ITPRID1: variants seen among roughly 807,000 people sequenced by gnomAD.
ITPRID1 encodes ITPR interacting domain containing 1.
In ITPRID1, 96 loss-of-function variants were observed where a neutral mutation model predicts 95.4. That is an observed-to-expected ratio of 1.01 (90% CI 0.85 to 1.19). ITPRID1 has a LOEUF of 1.19. ITPRID1 is among the 50% of genes most tolerant of loss of function. The pLI is 0.00. For synonymous variants in ITPRID1, 510 were observed against 453.6 expected, an observed-to-expected ratio of 1.12 and a Z score of -1.58; for missense variants, 1,339 against 1,252.9, an observed-to-expected ratio of 1.07 and a Z score of -1.04.
chr7:31,635,166 C>T (rs1789363302), intron 10 of ITPRID1, among the ~76,000 whole-genome samples: 1 of 152,174 alleles, frequency 6.6e-6, no homozygotes, highest in Admixed American at 6.5e-5. Context: ...CCATTCTGAG[C>T]TAGGTGATTT....
intron 12 of ITPRID1, among the ~76,000 whole-genome samples, chr7:31,644,754 T>C (rs16875624): frequency 0.034 from 5,226 of 152,220 alleles, 318 homozygotes; most frequent in African/African-American, 0.12. Flanking sequence ...GGGCCAGCCA[T>C]TGATTAAAAA....
chr7:31,531,272 T>C (rs78925209), intron 1 of ITPRID1, among the ~76,000 whole-genome samples: 1,585 of 152,126 alleles, frequency 0.01, 16 homozygotes, highest in Non-Finnish European at 0.018. Context: ...AAGGAAATAA[T>C]ATAGAGAAAA....
intron 10 of ITPRID1, among the ~76,000 whole-genome samples, chr7:31,624,551 G>T (rs1272215181): frequency 7.6e-6 from 1 of 131,500 alleles, no homozygotes; most frequent in Non-Finnish European, 1.6e-5. Flanking sequence ...AATGGTGCTG[G>T]GAAAACTGGC....
chr7:31,646,107 G>A (rs571944797), intron 12 of ITPRID1, among the ~76,000 whole-genome samples: 19 of 152,186 alleles, frequency 1.2e-4, no homozygotes, highest in African/African-American at 4.1e-4. Context: ...TCTAATTTAC[G>A]TTTAAGACAA....
intron 10 of ITPRID1, among the ~76,000 whole-genome samples, chr7:31,587,147 G>A (rs1305340995): frequency 6.6e-6 from 1 of 152,120 alleles, no homozygotes; most frequent in Non-Finnish European, 1.5e-5. Flanking sequence ...AGGGCAATTA[G>A]GCAGGAGAAG....
chr7:31,651,032 G>A (rs1262754552), intron 12 of ITPRID1, 110 bp from the exon 13 acceptor site: 2 of 1,211,450 alleles, frequency 1.7e-6, no homozygotes, highest in Non-Finnish European at 2.3e-6. Flanking sequence ...TAGCAGTAGG[G>A]CCTGTTTGCG....
Position 31,574,491 on chromosome 7 carries a change from T to A in ITPRID1, c.396-49T>A, listed in dbSNP as rs1324382068. 6 of 1,545,822 alleles carry A rather than the reference T, an allele frequency of 3.9e-6. No individual in the cohort carries two copies. The African/African-American group carries it at 8.2e-5, about 21-fold the overall frequency. ...GGATGAGGTGACCAGAAAAAAATGG[T>A]GTTGGGTTAACTGTTTCTGGATAAA... is the stretch of plus-strand genomic sequence containing the variant. On this transcript the variant is annotated intron_variant, in intron 7 of 14. Coordinates refer to ENST00000615280, the MANE Select transcript of ITPRID1 (RefSeq NM_001257967.3).
intron 5 of ITPRID1, 116 bp from the exon 6 acceptor site, chr7:31,569,642 C>A: frequency 2.6e-6 from 2 of 770,978 alleles, no homozygotes; most frequent in East Asian, 2.7e-5. Context: ...GTATTTCATG[C>A]CTATATAACC....
intron 9 of ITPRID1, among the ~76,000 whole-genome samples, chr7:31,581,164 A>G (rs1049147323): frequency 1.3e-5 from 2 of 152,192 alleles, no homozygotes; most frequent in Non-Finnish European, 2.9e-5. Flanking sequence ...ACAAGAGCCA[A>G]TGTACTTAAA....
chr7:31,643,193 A>G lies in ITPRID1; in HGVS notation c.1823A>G (p.Lys608Arg), dbSNP rs1562650568. 5 of 1,613,972 alleles carry G rather than the reference A, an allele frequency of 3.1e-6. No homozygotes were observed. Among genetic ancestry groups the G allele is most frequent in the Non-Finnish European group, 4.2e-6 (5 of 1,179,894 alleles). ...RSPGNDHTQD[K>R]FLHVDSEAPR... Reference sequence around the variant, plus strand: ...CCTGGAAATGATCATACTCAAGACAAGTTCCTTCATGTTGACTCTGAGGCC... The same window carrying G: ...CCTGGAAATGATCATACTCAAGACAGGTTCCTTCATGTTGACTCTGAGGCC... Residue 608 changes from lysine to arginine, a missense_variant, in exon 12 of 15, where the codon AAG becomes AGG. Coordinates refer to ENST00000615280, the MANE Select transcript of ITPRID1 (RefSeq NM_001257967.3).
At chr7:31,595,484 A>G (rs2128156832) in intron 10 of ITPRID1, among the ~76,000 whole-genome samples, 1 of 152,242 alleles carries the variant, frequency 6.6e-6, no homozygotes, top group South Asian at 2.1e-4. Flanking sequence ...AAAATGACAA[A>G]CCCAGTACTT....
intron 1 of ITPRID1, among the ~76,000 whole-genome samples, chr7:31,515,755 T>C (rs1325461109): frequency 6.6e-6 from 1 of 152,204 alleles, no homozygotes; most frequent in Non-Finnish European, 1.5e-5. Flanking sequence ...CACATTGTAT[T>C]GTTTAAAATG....
chr7:31,520,550 TGTGTGTGTGTGTGTGAGAGA>T (rs1317429299), intron 1 of ITPRID1, among the ~76,000 whole-genome samples: 14 of 81,630 alleles, frequency 1.7e-4, no homozygotes, highest in African/African-American at 6.7e-4. Context: ...TGTGTGTGTG[TGTGTGTGTGTGTGTGAGAGA>T]GAGAGAGAGA....
chr7:31,522,116 C>T (rs1332504613), intron 1 of ITPRID1, among the ~76,000 whole-genome samples: 1 of 152,134 alleles, frequency 6.6e-6, no homozygotes, highest in Non-Finnish European at 1.5e-5. Context: ...ACTGCGAACT[C>T]ATTACTCATC....
chr7:31,516,207 T>A (rs528398504), intron 1 of ITPRID1, among the ~76,000 whole-genome samples: 3 of 152,314 alleles, frequency 2.0e-5, no homozygotes, highest in East Asian at 3.9e-4. Context: ...ACACAGTATA[T>A]AATGTGCATA....
Position 31,555,080 on chromosome 7 carries a change from G to T in ITPRID1, c.256+179G>T, listed in dbSNP as rs111363661. 21 of 565,994 alleles carry T rather than the reference G, an allele frequency of 3.7e-5. 2 individuals carry two copies. The highest frequency in any genetic ancestry group is 2.8e-4 in the African/African-American group (15 of 53,146). 35.1% of individuals were successfully genotyped at this position (565,994 alleles called of 1,614,324 possible). A position where few individuals can be genotyped will look rare whatever the true frequency, so the allele number is the denominator to read the frequency against. On this transcript the variant is annotated intron_variant, in intron 5 of 14. Coordinates refer to ENST00000615280, the MANE Select transcript of ITPRID1 (RefSeq NM_001257967.3). ...TATGACTGCGACAAAAATGATAGGT[G>T]CTTCCCCAGCAGCAGGTTAAGGGCC... is the stretch of plus-strand genomic sequence containing the variant.
At chr7:31,599,637 CTTTCTTTCT>C (rs1786279320) in intron 10 of ITPRID1, among the ~76,000 whole-genome samples, 2 of 97,850 alleles carry the variant, frequency 2.0e-5, no homozygotes, top group African/African-American at 8.0e-5. Context: ...TTCTTTCTTT[CTTTCTTTCT>C]TTTTCTTTCT....
At chr7:31,621,555 C>G (rs1375060658) in intron 10 of ITPRID1, among the ~76,000 whole-genome samples, 1 of 147,374 alleles carries the variant, frequency 6.8e-6, no homozygotes, top group African/African-American at 2.5e-5. Context: ...CAAGCAAATG[C>G]TGAGAGATTT....
chr7:31,537,098 TGTGTGTG>T, intron 1 of ITPRID1, among the ~76,000 whole-genome samples: 6 of 29,242 alleles, frequency 2.1e-4, no homozygotes, highest in Non-Finnish European at 4.1e-4. Context: ...GTGTGTGTTG[TGTGTGTG>T]TGTGTGTGTG....
Sources: allele counts gnomAD v4.1 joint callset (sites outside exome capture counted in the v4.1 genomes callset), GRCh38; gene constraint gnomAD v4.1.1; transcripts MANE v1.5; gene names NCBI Gene and HGNC (gene_info 2026-07-23, HGNC 2026-07-21).